LHPP: variants seen among roughly 807,000 people sequenced by gnomAD.
LHPP encodes the protein phospholysine phosphohistidine inorganic pyrophosphate phosphatase.
A neutral mutation model predicts 30.3 loss-of-function variants in LHPP; 24 were observed. The observed-to-expected ratio is 0.79, with a 90% CI of 0.57 to 1.11. The LOEUF is 1.11. Ranked by LOEUF, LHPP falls within the 50% of genes most tolerant of loss-of-function variation. LHPP has a pLI of 0.00. For missense variants in LHPP, 356 were observed against 367.2 expected (o/e 0.97, Z 0.25); for synonymous variants, 150 against 157.1 (o/e 0.95, Z 0.34).
intron 6 of LHPP, among the ~76,000 whole-genome samples, chr10:124,536,434 C>T (rs1263746621): frequency 3.3e-5 from 5 of 152,246 alleles, no homozygotes; most frequent in African/African-American, 9.6e-5. Flanking sequence ...GGAAGCTCCC[C>T]GGCTGGGCCA....
chr10:124,602,950 C>A (rs573579465), intron 6 of LHPP, among the ~76,000 whole-genome samples: 1 of 152,214 alleles, frequency 6.6e-6, no homozygotes, highest in South Asian at 2.1e-4. Context: ...AGGACCCCAC[C>A]TCACTCTTAG....
intron 6 of LHPP, among the ~76,000 whole-genome samples, chr10:124,578,288 C>T (rs1189962022): frequency 6.6e-6 from 1 of 152,226 alleles, no homozygotes; most frequent in Non-Finnish European, 1.5e-5. Context: ...GTGCTCAGCA[C>T]ACGCCCCGTG....
chr10:124,558,970 G>C (rs995683236), intron 6 of LHPP, among the ~76,000 whole-genome samples: 7 of 152,332 alleles, frequency 4.6e-5, no homozygotes, highest in Middle Eastern at 3.4e-3. Context: ...GGAAGTAAAA[G>C]GAGTTATAAG....
At chr10:124,603,157 C>T (rs577578520) in intron 6 of LHPP, among the ~76,000 whole-genome samples, 4 of 152,342 alleles carry the variant, frequency 2.6e-5, no homozygotes, top group South Asian at 4.1e-4. Flanking sequence ...CCTAGCTGGA[C>T]ACCTGCAGTG....
chr10:124,488,418 C>T lies in LHPP; in HGVS notation c.314-4C>T. The T allele has an allele frequency of 6.2e-7, 1 of 1,613,820 alleles. No homozygotes were observed. Among genetic ancestry groups the T allele is most frequent in the Non-Finnish European group, 8.5e-7 (1 of 1,179,924 alleles). On this transcript the variant is annotated splice_polypyrimidine_tract_variant and splice_region_variant and intron_variant, in intron 2 of 6. Coordinates refer to ENST00000368842, the MANE Select transcript of LHPP (RefSeq NM_022126.4). ...TGGCACTCTGTCTCTCTCTCTCTTT[C>T]CAGGAGTCCGCTCAGAATTTGATCA...
intron 6 of LHPP, among the ~76,000 whole-genome samples, chr10:124,536,929 G>T (rs1283239381): frequency 6.6e-6 from 1 of 152,180 alleles, no homozygotes; most frequent in Non-Finnish European, 1.5e-5. Context: ...TGGGATGCCA[G>T]GCTGCCCAGG....
intron 6 of LHPP, among the ~76,000 whole-genome samples, chr10:124,574,744 G>A (rs1564837943): frequency 6.6e-6 from 1 of 152,132 alleles, no homozygotes; most frequent in African/African-American, 2.4e-5. Context: ...GAGGCTGGGG[G>A]AGGGCATGGT....
At chr10:124,526,127 G>A (rs1310283074) in intron 6 of LHPP, 1 of 963,362 alleles carries the variant, frequency 1.0e-6, no homozygotes, top group Non-Finnish European at 1.2e-6. Context: ...GGGAGCGTCA[G>A]CAGGGCCCTC....
Position 124,613,007 on chromosome 10 carries a change from A to T in LHPP, c.717-257A>T, listed in dbSNP as rs569821631. 5.5e-6 allele frequency: 3 copies of T among 545,924 alleles called. No individual in the cohort carries two copies. The South Asian group carries it at 6.3e-5, about 11-fold the overall frequency. The allele number at this position is 545,924 out of a possible 1,614,324, so 33.8% of individuals were successfully genotyped here. A position where few individuals can be genotyped will look rare whatever the true frequency, so the allele number is the denominator to read the frequency against. On this transcript the variant is annotated intron_variant, in intron 6 of 6. Transcript: ENST00000368842. ...GCTGGGCCGGCTGTCACTCCACCAC[A>T]AGGCTGAGCAGGCTCCCCAGTGGGA...
At chr10:124,584,687 G>T (rs1267667863) in intron 6 of LHPP, among the ~76,000 whole-genome samples, 1 of 152,090 alleles carries the variant, frequency 6.6e-6, no homozygotes, top group Admixed American at 6.5e-5. Context: ...AATTCTGGGG[G>T]GACATTCAGA....
intron 6 of LHPP, among the ~76,000 whole-genome samples, chr10:124,527,733 G>A (rs925997424): frequency 9.2e-5 from 14 of 152,092 alleles, no homozygotes; most frequent in African/African-American, 1.4e-4. Context: ...GTCCCCTGCC[G>A]CGTGCTAACC....
intron 6 of LHPP, among the ~76,000 whole-genome samples, chr10:124,539,698 T>G (rs1440536999): frequency 6.9e-6 from 1 of 144,778 alleles, no homozygotes; most frequent in East Asian, 2.0e-4. Context: ...ATCGTGCCAC[T>G]GCACTCTAGC....
At chr10:124,462,088 C>T (rs1204510211) in intron 1 of LHPP, 101 bp downstream of exon 1, 34 of 1,057,832 alleles carry the variant, frequency 3.2e-5, no homozygotes, top group South Asian at 4.8e-5. Context: ...GGGGCCGCGG[C>T]GCAGGCCCCG....
rs1208430152 is a variant in LHPP, at chr10:124,576,474, A to G, written c.717-36790A>G. ...TATCCATCCTGCCTCCAGAACCCCT[A>G]TATCTTGCTCCCACTCCCTACCATA... On this transcript the variant is annotated intron_variant, in intron 6 of 6. Coordinates refer to ENST00000368842, the MANE Select transcript of LHPP (RefSeq NM_022126.4). The surrounding 1 kb of genome is among the most constrained non-coding windows in gnomAD (Gnocchi z 4.2). Among the ~76,000 whole-genome samples the G allele has an allele frequency of 2.5e-5, 3 of 120,802 alleles. No individual in the cohort carries two copies. The highest frequency in any genetic ancestry group is 2.5e-4 in the East Asian group (1 of 4,064). 79.3% of individuals were successfully genotyped at this position (120,802 alleles called of 152,430 possible). A position where few individuals can be genotyped will look rare whatever the true frequency, so the allele number is the denominator to read the frequency against.
chr10:124,595,569 CT>C (rs1362433226), intron 6 of LHPP, among the ~76,000 whole-genome samples: 1 of 152,164 alleles, frequency 6.6e-6, no homozygotes, highest in Non-Finnish European at 1.5e-5. Flanking sequence ...TCCCTCTTTG[CT>C]TTGGCTGCCA....
At chr10:124,559,401 G>A (rs939978802) in intron 6 of LHPP, among the ~76,000 whole-genome samples, 2 of 152,236 alleles carry the variant, frequency 1.3e-5, no homozygotes, top group Admixed American at 6.5e-5. Context: ...CCCCTGTGGT[G>A]TATACCAGCT....
intron 6 of LHPP, among the ~76,000 whole-genome samples, chr10:124,609,090 A>G (rs1949132149): frequency 6.6e-6 from 1 of 152,192 alleles, no homozygotes; most frequent in Admixed American, 6.5e-5. Flanking sequence ...CCTTTCCTGT[A>G]GGGGCCGAAT....
intron 6 of LHPP, among the ~76,000 whole-genome samples, chr10:124,564,790 G>A (rs1182966001): frequency 6.6e-6 from 1 of 152,148 alleles, no homozygotes; most frequent in African/African-American, 2.4e-5. Context: ...CCAATGTGTG[G>A]CATGGTTATA....
At chr10:124,488,349 C>T in intron 2 of LHPP, 73 bp from the exon 3 acceptor site, 1 of 1,382,260 alleles carries the variant, frequency 7.2e-7, no homozygotes. Context: ...AAAGGTGTCC[C>T]TGGTAGGAGA....
Sources: gnomAD v4.1 joint callset for allele counts (sites outside exome capture counted in the v4.1 genomes callset) on GRCh38, gnomAD v4.1.1 for gene constraint, Gnocchi (gnomAD v3.1) non-coding constraint, MANE v1.5 for transcripts, NCBI Gene and HGNC (gene_info 2026-07-23, HGNC 2026-07-21) for gene names.